TTLL5: variants seen among roughly 807,000 people sequenced by gnomAD.
TTLL5 encodes tubulin tyrosine ligase like 5, also known as tubulin polyglutamylase TTLL5.
A neutral mutation model predicts 168.4 loss-of-function variants in TTLL5; 132 were observed. The observed-to-expected ratio is 0.78, with a 90% CI of 0.68 to 0.91. The LOEUF (loss-of-function observed/expected upper bound fraction) is 0.91. TTLL5 is among the 40% of genes least tolerant of loss of function. The pLI is 0.00. For synonymous variants in TTLL5, 546 were observed against 558.6 expected (o/e 0.98, Z 0.32); for missense variants, 1,545 against 1,581.5 (o/e 0.98, Z 0.39).
At chr14:75,743,738 C>G (rs1188536965) in intron 15 of TTLL5, among the ~76,000 whole-genome samples, 1 of 151,758 alleles carries the variant, frequency 6.6e-6, no homozygotes, top group Admixed American at 6.6e-5. Context: ...CCCGCCACCA[C>G]GCCCAGCTAA....
chr14:75,740,757 A>G (rs1408768872), intron 15 of TTLL5, among the ~76,000 whole-genome samples: 1 of 152,042 alleles, frequency 6.6e-6, no homozygotes, highest in East Asian at 1.9e-4. Context: ...GATAGCATTC[A>G]TTTTACTTTT....
intron 12 of TTLL5, among the ~76,000 whole-genome samples, chr14:75,721,724 G>C (rs1887849044): frequency 2.0e-5 from 3 of 152,120 alleles, no homozygotes; most frequent in African/African-American, 7.2e-5. Flanking sequence ...TGCACGCAAA[G>C]CACTTGACAC....
chr14:75,693,858 A>C (rs1159485443), intron 6 of TTLL5, among the ~76,000 whole-genome samples: 1 of 152,234 alleles, frequency 6.6e-6, no homozygotes, highest in Non-Finnish European at 1.5e-5. Flanking sequence ...CTAGATTTCA[A>C]AGCAATGGGT....
At position 75,954,538 on chromosome 14, in the gene TTLL5, A is replaced by AT. The variant is rs368697896; in HGVS notation, c.*103dup. ...ACCAGCACTTCAAGGGGTCCATAGT[A>AT]TTTTTTTTTTTGCTGCCTCAAAGTC... On this transcript the variant is annotated 3_prime_UTR_variant, in exon 32 of 32. Transcript: ENST00000298832. 43,249 of 1,122,294 alleles carry AT rather than the reference A, an allele frequency of 0.039. 3 individuals carry two copies. Among genetic ancestry groups the AT allele is most frequent in the South Asian group, 0.045 (2,788 of 61,516 alleles). The allele number at this position is 1,122,294 out of a possible 1,614,324, so 69.5% of individuals were successfully genotyped here.
chr14:75,720,225 T>C (rs1481446065), intron 11 of TTLL5, among the ~76,000 whole-genome samples: 1 of 152,180 alleles, frequency 6.6e-6, no homozygotes, highest in Non-Finnish European at 1.5e-5. Context: ...GCACAGGGCT[T>C]CAAATCAAAA....
At chr14:75,753,041 A>G in intron 18 of TTLL5, 86 bp downstream of exon 18, 2 of 1,308,490 alleles carry the variant, frequency 1.5e-6, no homozygotes, top group East Asian at 4.7e-5. Flanking sequence ...GACCTTATAA[A>G]AGTCTTTATG....
At chr14:75,790,498 G>T (rs540137440) in intron 26 of TTLL5, among the ~76,000 whole-genome samples, 2 of 150,854 alleles carry the variant, frequency 1.3e-5, no homozygotes, top group South Asian at 2.1e-4. Flanking sequence ...TTGAGACAGG[G>T]TCTCACTCTG....
intron 7 of TTLL5, among the ~76,000 whole-genome samples, chr14:75,702,920 TC>T (rs1328707318): frequency 2.0e-5 from 3 of 152,162 alleles, no homozygotes; most frequent in Non-Finnish European, 4.4e-5. Context: ...GGGAAAATAC[TC>T]CTGTTTTACC....
At chr14:75,731,604 A>C (rs1478409621) in intron 12 of TTLL5, among the ~76,000 whole-genome samples, 2 of 152,208 alleles carry the variant, frequency 1.3e-5, no homozygotes, top group Admixed American at 1.3e-4. Context: ...GAATCAATAC[A>C]GAATCCATAA....
chr14:75,725,527 G>A (rs1271383071), intron 12 of TTLL5, among the ~76,000 whole-genome samples: 1 of 152,110 alleles, frequency 6.6e-6, no homozygotes, highest in Non-Finnish European at 1.5e-5. Context: ...TTATAGACAT[G>A]GAAAAAAGAT....
intron 7 of TTLL5, among the ~76,000 whole-genome samples, chr14:75,700,683 T>C (rs1387932866): frequency 6.6e-6 from 1 of 152,190 alleles, no homozygotes; most frequent in Non-Finnish European, 1.5e-5. Context: ...TGTACTTTAC[T>C]TCCTTTCATT....
chr14:75,886,580 A>G (rs2032132587), intron 30 of TTLL5: 1 of 1,180,928 alleles, frequency 8.5e-7, no homozygotes, highest in Non-Finnish European at 1.2e-6. Context: ...TCATTTAGCT[A>G]AATCTCATTT....
intron 28 of TTLL5, among the ~76,000 whole-genome samples, chr14:75,842,592 C>G (rs1157436984): frequency 6.6e-6 from 1 of 151,686 alleles, no homozygotes; most frequent in Non-Finnish European, 1.5e-5. Flanking sequence ...TAATGAATAA[C>G]CAGAAAAAGT....
rs1891341077 is a variant in TTLL5, at chr14:75,771,844, ATGAACAGATGGTAAGGCTTTTCTTAC to A, written c.2131_2136+20del. ...AGTGCCAGTTGGGCTGCCAAAGAGG[ATGAACAGATGGTAAGGCTTTTCTTAC>A]TGAAACCTTTTTACTTTCCCTTTTT... is the stretch of plus-strand genomic sequence containing the variant. On this transcript the variant is annotated splice_donor_variant and splice_donor_5th_base_variant and coding_sequence_variant and intron_variant, in exon 21 of 32. Coordinates refer to ENST00000298832, the MANE Select transcript of TTLL5 (RefSeq NM_015072.5). LOFTEE classifies it high-confidence loss of function. 6.2e-7 allele frequency: 1 copy of A among 1,613,204 alleles called. No homozygotes were observed. Among genetic ancestry groups the A allele is most frequent in the Admixed American group, 1.7e-5 (1 of 59,934 alleles).
chr14:75,795,405 T>C (rs931962037), intron 27 of TTLL5, among the ~76,000 whole-genome samples: 1 of 152,194 alleles, frequency 6.6e-6, no homozygotes, highest in African/African-American at 2.4e-5. Context: ...CATAGGTGTA[T>C]ATATTTATGG....
At chr14:75,746,522 A>G (rs1442480704) in intron 17 of TTLL5, among the ~76,000 whole-genome samples, 5 of 144,422 alleles carry the variant, frequency 3.5e-5, no homozygotes, top group Non-Finnish European at 7.6e-5. Flanking sequence ...TGCTTTTAGG[A>G]TTATCTCTTT....
intron 29 of TTLL5, 64 bp downstream of exon 29, chr14:75,863,926 A>AAAAGAAAG: frequency 8.0e-7 from 1 of 1,257,814 alleles, no homozygotes; most frequent in East Asian, 3.1e-5. Flanking sequence ...AAAAAAAAAA[A>AAAAGAAAG]AAAAAAAAGG....
At chr14:75,682,983 G>A (rs752945370) in intron 4 of TTLL5, among the ~76,000 whole-genome samples, 14 of 152,018 alleles carry the variant, frequency 9.2e-5, no homozygotes, top group African/African-American at 1.2e-4. Flanking sequence ...ATGTTGCTAG[G>A]ATAGTCTCAA....
chr14:75,756,746 A>G (rs968209085), intron 18 of TTLL5, among the ~76,000 whole-genome samples: 1 of 152,188 alleles, frequency 6.6e-6, no homozygotes, highest in Non-Finnish European at 1.5e-5. Context: ...GGCCTCAAGT[A>G]ATCCACCTAC....
Sources: allele counts gnomAD v4.1 joint callset (sites outside exome capture counted in the v4.1 genomes callset), GRCh38; gene constraint gnomAD v4.1.1; transcripts MANE v1.5; gene names NCBI Gene and HGNC (gene_info 2026-07-23, HGNC 2026-07-21).